The following CNTNAP2 variants were observed in gnomAD, a reference collection of about 807,000 sequenced individuals.
The protein encoded by CNTNAP2 is contactin-associated protein-like 2.
A neutral mutation model predicts 155.2 loss-of-function variants in CNTNAP2; 98 were observed. The ratio of observed to expected loss-of-function variants is 0.63; its 90% CI spans 0.54 to 0.75. The LOEUF (loss-of-function observed/expected upper bound fraction) is 0.75. CNTNAP2 is among the 30% of genes least tolerant of loss of function. CNTNAP2 has a pLI of 0.00. For missense variants in CNTNAP2, 1,727 were observed against 1,688.1 expected (o/e 1.02, Z -0.40); for synonymous variants, 651 against 631.2 (o/e 1.03, Z -0.47).
intron 13 of CNTNAP2, among the ~76,000 whole-genome samples, chr7:147,850,942 A>G (rs1798926061): frequency 1.3e-5 from 2 of 152,224 alleles, no homozygotes; most frequent in East Asian, 1.9e-4. Context: ...TAAACTAAAG[A>G]GCTTCTGCAG....
chr7:146,696,035 A>G (rs924187372), intron 1 of CNTNAP2, among the ~76,000 whole-genome samples: 4 of 152,078 alleles, frequency 2.6e-5, no homozygotes, highest in Non-Finnish European at 5.9e-5. Flanking sequence ...GTGGTGTTGG[A>G]GTATTGCTGG....
At chr7:146,508,209 T>C (rs1040392664) in intron 1 of CNTNAP2, among the ~76,000 whole-genome samples, 1 of 152,146 alleles carries the variant, frequency 6.6e-6, no homozygotes, top group Non-Finnish European at 1.5e-5. Flanking sequence ...GAAAGTGGTA[T>C]TGATGGGTGG....
chr7:146,790,864 T>C (rs1802659878), intron 2 of CNTNAP2, among the ~76,000 whole-genome samples: 1 of 151,782 alleles, frequency 6.6e-6, no homozygotes, highest in Admixed American at 6.6e-5. Flanking sequence ...CCACCACGCC[T>C]GGCCGATTTG....
chr7:147,029,451 A>T (rs1295977174), intron 3 of CNTNAP2, among the ~76,000 whole-genome samples: 1 of 152,206 alleles, frequency 6.6e-6, no homozygotes, highest in Non-Finnish European at 1.5e-5. Flanking sequence ...ATGGAAGAGG[A>T]GGGAAAAACT....
intron 1 of CNTNAP2, among the ~76,000 whole-genome samples, chr7:146,328,193 C>T (rs1384678834): frequency 2.6e-5 from 4 of 152,042 alleles, no homozygotes; most frequent in South Asian, 2.1e-4. Context: ...ACTGCACCTG[C>T]GAGGGATCTA....
intron 4 of CNTNAP2, among the ~76,000 whole-genome samples, chr7:147,098,642 A>G: frequency 6.6e-6 from 1 of 152,162 alleles, no homozygotes; most frequent in East Asian, 1.9e-4. Flanking sequence ...TGTTTGATCA[A>G]AACTGATTTT....
At chr7:146,983,302 A>G (rs1584765147) in intron 3 of CNTNAP2, among the ~76,000 whole-genome samples, 1 of 152,242 alleles carries the variant, frequency 6.6e-6, no homozygotes, top group East Asian at 1.9e-4. Context: ...CTGAAATTTT[A>G]TTTACCCTCT....
intron 1 of CNTNAP2, among the ~76,000 whole-genome samples, chr7:146,227,180 C>A (rs1799307204): frequency 6.6e-6 from 1 of 151,960 alleles, no homozygotes; most frequent in Admixed American, 6.6e-5. Flanking sequence ...ATTCCCAGCT[C>A]TTTGGGAGGC....
intron 15 of CNTNAP2, among the ~76,000 whole-genome samples, chr7:148,092,046 C>T (rs190434559): frequency 3.9e-5 from 6 of 152,262 alleles, no homozygotes; most frequent in African/African-American, 1.2e-4. Context: ...TTAATAGCTC[C>T]GAAGTGGCCT....
intron 11 of CNTNAP2, among the ~76,000 whole-genome samples, chr7:147,544,158 C>A (rs1007613954): frequency 3.3e-5 from 5 of 152,130 alleles, no homozygotes; most frequent in Non-Finnish European, 5.9e-5. Context: ...AAATCTGAAA[C>A]TTTTGTGTGT....
intron 1 of CNTNAP2, among the ~76,000 whole-genome samples, chr7:146,750,837 TTAC>T (rs1801890875): frequency 6.6e-6 from 1 of 152,188 alleles, no homozygotes; most frequent in African/African-American, 2.4e-5. Flanking sequence ...AGCAAAAATT[TTAC>T]TACTTTTTCC....
intron 1 of CNTNAP2, among the ~76,000 whole-genome samples, chr7:146,585,702 AGAAG>A (rs1169884876): frequency 2.0e-4 from 30 of 151,448 alleles, no homozygotes; most frequent in African/African-American, 6.1e-4. Context: ...TCTGTACGAA[AGAAG>A]GAAGGAAGGA....
intron 18 of CNTNAP2, among the ~76,000 whole-genome samples, chr7:148,216,700 A>AT (rs1001092801): frequency 1.3e-5 from 2 of 152,114 alleles, no homozygotes; most frequent in African/African-American, 4.8e-5. Context: ...AAATTTTACT[A>AT]TTTTTTTAAT....
chr7:147,112,899 A>G (rs571711262), intron 5 of CNTNAP2, among the ~76,000 whole-genome samples: 1 of 152,184 alleles, frequency 6.6e-6, no homozygotes, highest in East Asian at 1.9e-4. Context: ...TGCTGGCCTC[A>G]TAGAGTGTGC....
chr7:146,922,540 A>G (rs1796524996), intron 3 of CNTNAP2, among the ~76,000 whole-genome samples: 1 of 152,154 alleles, frequency 6.6e-6, no homozygotes, highest in Admixed American at 6.5e-5. Context: ...GGTAAAGAAA[A>G]CAATGATAAA....
chr7:146,428,027 A>T (rs1459362098), intron 1 of CNTNAP2, among the ~76,000 whole-genome samples: 2 of 152,176 alleles, frequency 1.3e-5, no homozygotes, highest in Admixed American at 1.3e-4. Flanking sequence ...TTTGCTAAGG[A>T]TAATGGCCCC....
At chr7:147,685,875 T>A (rs1322344777) in intron 13 of CNTNAP2, among the ~76,000 whole-genome samples, 1 of 151,930 alleles carries the variant, frequency 6.6e-6, no homozygotes, top group Non-Finnish European at 1.5e-5. Flanking sequence ...GTTCTAGGAC[T>A]AGCAGGTATA....
chr7:148,015,339 A>G (rs1371198369), intron 15 of CNTNAP2, among the ~76,000 whole-genome samples: 1 of 152,148 alleles, frequency 6.6e-6, no homozygotes, highest in Non-Finnish European at 1.5e-5. Context: ...AGTTCTTCCT[A>G]AGGTTCCTTT....
chr7:147,290,145 C>G (rs1038256313), intron 8 of CNTNAP2, among the ~76,000 whole-genome samples: 10 of 152,262 alleles, frequency 6.6e-5, no homozygotes, highest in Admixed American at 6.5e-4. Context: ...ACCAACTAAT[C>G]AATACATAAC....
Sources: gnomAD v4.1 joint callset for allele counts (sites outside exome capture counted in the v4.1 genomes callset) on GRCh38, gnomAD v4.1.1 for gene constraint, MANE v1.5 for transcripts, NCBI Gene and HGNC (gene_info 2026-07-23, HGNC 2026-07-21) for gene names.